XRRA1: variants seen among roughly 807,000 people sequenced by gnomAD.
The protein encoded by XRRA1 is X-ray radiation resistance-associated protein 1.
A neutral mutation model predicts 80.2 loss-of-function variants in XRRA1; 69 were observed. The observed-to-expected ratio is 0.86, with a 90% CI of 0.71 to 1.05. The LOEUF (loss-of-function observed/expected upper bound fraction) is 1.05, where lower values mean the gene tolerates loss of function less well. XRRA1 is among the 50% of genes least tolerant of loss of function. The pLI, the probability that XRRA1 is intolerant of heterozygous loss-of-function variation, is 0.00. For missense variants in XRRA1, 967 were observed against 976.4 expected, an observed-to-expected ratio of 0.99 and a Z score of 0.13; for synonymous variants, 348 against 389.9, an observed-to-expected ratio of 0.89 and a Z score of 1.27.
At chr11:74,857,303 A>G (rs1425680378) in intron 12 of XRRA1, among the ~76,000 whole-genome samples, 1 of 152,216 alleles carries the variant, frequency 6.6e-6, no homozygotes, top group Non-Finnish European at 1.5e-5. Flanking sequence ...AATGGACAGA[A>G]AGAGATACAC....
intron 6 of XRRA1, among the ~76,000 whole-genome samples, chr11:74,929,540 T>A (rs1434492230): frequency 6.6e-6 from 1 of 152,206 alleles, no homozygotes; most frequent in East Asian, 1.9e-4. Context: ...GCTGCCAATC[T>A]GTCTAGTTTC....
intron 8 of XRRA1, among the ~76,000 whole-genome samples, chr11:74,917,703 C>T (rs1186231352): frequency 2.0e-5 from 3 of 152,160 alleles, no homozygotes; most frequent in Non-Finnish European, 4.4e-5. Context: ...AGTAGCTCCT[C>T]TTACAATTAT....
At chr11:74,849,508 G>A (rs1005789658) in intron 14 of XRRA1, among the ~76,000 whole-genome samples, 1 of 152,146 alleles carries the variant, frequency 6.6e-6, no homozygotes, top group Admixed American at 6.6e-5. Context: ...CAAGGCACAG[G>A]GCACGGACAC....
intron 10 of XRRA1, 62 bp from the exon 11 acceptor site, chr11:74,863,083 C>CAGGAT (rs1565259070): frequency 6.8e-7 from 1 of 1,475,450 alleles, no homozygotes; most frequent in Admixed American, 1.9e-5. Flanking sequence ...CTAGAGCACC[C>CAGGAT]AGGATATAGG....
In XRRA1 at chr11:74,851,103, C is replaced by T. The variant is rs780791151; in HGVS notation, c.1365G>A (p.Arg455=). 3.5e-5 allele frequency: 57 copies of T among 1,611,162 alleles called. No homozygotes were observed. The highest frequency in any genetic ancestry group is 4.8e-5 in the Non-Finnish European group (57 of 1,178,318). The stretch of plus-strand genomic sequence containing the variant: ...GAAGCCCTACCTTCCATGATTCCTT[C>T]CGAGACATCAAAACATGATGCTTAG... ...VKPKHHVLMS[R]KESWKVKSEI... Residue 455 remains arginine, a synonymous_variant, in exon 14 of 19, where the codon CGG becomes CGA. Coordinates refer to ENST00000684022, the MANE Select transcript of XRRA1 (RefSeq NM_001378157.1).
chr11:74,895,169 G>A (rs567086272), intron 10 of XRRA1, among the ~76,000 whole-genome samples: 9 of 152,350 alleles, frequency 5.9e-5, no homozygotes, highest in African/African-American at 1.9e-4. Flanking sequence ...AGGAGGGCAG[G>A]AGAGACAGTC....
At chr11:74,899,399 A>T (rs897258639) in intron 10 of XRRA1, among the ~76,000 whole-genome samples, 1 of 152,192 alleles carries the variant, frequency 6.6e-6, no homozygotes, top group Non-Finnish European at 1.5e-5. Context: ...AAGAAAAGAG[A>T]TAATAAATAT....
chr11:74,867,269 G>GAT (rs2043661632), intron 10 of XRRA1, among the ~76,000 whole-genome samples: 2 of 152,164 alleles, frequency 1.3e-5, no homozygotes, highest in Non-Finnish European at 2.9e-5. Flanking sequence ...GAATATGGAT[G>GAT]GGAATGGAGA....
chr11:74,922,073 C>A (rs1366191344), intron 7 of XRRA1, among the ~76,000 whole-genome samples: 2 of 151,764 alleles, frequency 1.3e-5, no homozygotes, highest in African/African-American at 4.8e-5. Flanking sequence ...CTGGCTAACA[C>A]GGTGAAACCC....
Position 74,947,292 on chromosome 11 carries a change from G to A in XRRA1, c.-73+1636C>T, listed in dbSNP as rs545473490. 6.2e-4 allele frequency among the ~76,000 whole-genome samples: 94 copies of A among 152,236 alleles called. 1 individual carries two copies. The highest frequency in any genetic ancestry group is 1.2e-3 in the Admixed American group (19 of 15,298). On this transcript the variant is annotated intron_variant, in intron 1 of 18. Coordinates refer to ENST00000684022, the MANE Select transcript of XRRA1 (RefSeq NM_001378157.1). ...TGTAATCCCAGCACTTTGGGAGGCCGAAGCAGACGGATCACTTGAGGTCAT... is the reference window on the plus strand; with the variant it reads ...TGTAATCCCAGCACTTTGGGAGGCCAAAGCAGACGGATCACTTGAGGTCAT...
chr11:74,861,813 G>C (rs767528692), intron 11 of XRRA1, among the ~76,000 whole-genome samples: 1 of 152,134 alleles, frequency 6.6e-6, no homozygotes, highest in Non-Finnish European at 1.5e-5. Context: ...CTGAACCTGA[G>C]TGGGTTGTGG....
At chr11:74,898,825 C>G (rs1452335427) in intron 10 of XRRA1, among the ~76,000 whole-genome samples, 1 of 152,080 alleles carries the variant, frequency 6.6e-6, no homozygotes, top group Non-Finnish European at 1.5e-5. Flanking sequence ...CTTCAACACC[C>G]CACTTTCAGC....
intron 16 of XRRA1, among the ~76,000 whole-genome samples, chr11:74,844,485 C>T (rs1409101148): frequency 6.6e-6 from 1 of 152,114 alleles, no homozygotes; most frequent in Non-Finnish European, 1.5e-5. Flanking sequence ...GTATTTGTCC[C>T]ATATTATAAT....
chr11:74,934,056 A>G (rs1358750503), intron 4 of XRRA1, among the ~76,000 whole-genome samples, 184 bp from the exon 5 acceptor site: 1 of 152,174 alleles, frequency 6.6e-6, no homozygotes, highest in Non-Finnish European at 1.5e-5. Flanking sequence ...CCAAACACTA[A>G]ATTGGGCCAT....
chr11:74,881,925 C>G lies in XRRA1; in HGVS notation c.1004-18904G>C, dbSNP rs865945919. Among the ~76,000 whole-genome samples the G allele has an allele frequency of 8.6e-3, 1,287 of 150,018 alleles. 23 individuals carry two copies. Among genetic ancestry groups the G allele is most frequent in the African/African-American group, 0.03 (1,212 of 40,568 alleles). ...TTTGAGGGTAACCTGACCTTTCTCTCTGGCTGCCCTTAACATTTTTTCCTT... is the reference window on the plus strand; with the variant it reads ...TTTGAGGGTAACCTGACCTTTCTCTGTGGCTGCCCTTAACATTTTTTCCTT... On this transcript the variant is annotated intron_variant, in intron 10 of 18. Transcript: ENST00000684022.
chr11:74,914,969 CTA>C (rs1938115541), intron 8 of XRRA1, among the ~76,000 whole-genome samples: 1 of 152,202 alleles, frequency 6.6e-6, no homozygotes, highest in Admixed American at 6.5e-5. Flanking sequence ...CAACCCTTAA[CTA>C]AGGTCCTGTG....
At chr11:74,878,825 C>A (rs1405065426) in intron 10 of XRRA1, among the ~76,000 whole-genome samples, 3 of 151,616 alleles carry the variant, frequency 2.0e-5, no homozygotes, top group East Asian at 1.9e-4. Context: ...TGGTCTATAT[C>A]TCTGTTTTGG....
chr11:74,935,855 T>C (rs1274236175), intron 4 of XRRA1, among the ~76,000 whole-genome samples: 1 of 152,172 alleles, frequency 6.6e-6, no homozygotes, highest in Non-Finnish European at 1.5e-5. Context: ...TTATTGAATA[T>C]GGGAATGTAT....
At chr11:74,871,417 C>T (rs148698766) in intron 10 of XRRA1, among the ~76,000 whole-genome samples, 44 of 152,314 alleles carry the variant, frequency 2.9e-4, no homozygotes, top group South Asian at 8.3e-4. Flanking sequence ...GCCTGCACCC[C>T]GCTCAAGTGC....
Sources: allele counts gnomAD v4.1 joint callset (sites outside exome capture counted in the v4.1 genomes callset), GRCh38; gene constraint gnomAD v4.1.1; transcripts MANE v1.5; gene names NCBI Gene and HGNC (gene_info 2026-07-23, HGNC 2026-07-21).